MET: variants seen among roughly 807,000 people sequenced by gnomAD.
MET encodes MET proto-oncogene, receptor tyrosine kinase.
A neutral mutation model predicts 133.1 loss-of-function variants in MET; 48 were observed. The ratio of observed to expected loss-of-function variants is 0.36; its 90% CI spans 0.29 to 0.46. The LOEUF (loss-of-function observed/expected upper bound fraction) is 0.46. Ranked by LOEUF, MET falls within the 20% of genes least tolerant of loss-of-function variation. MET has a pLI of 1.00. For synonymous variants in MET, 628 were observed against 616.5 expected (o/e 1.02, Z -0.28); for missense variants, 1,442 against 1,695.9 (o/e 0.85, Z 2.63).
intron 5 of MET, among the ~76,000 whole-genome samples, chr7:116,755,006 A>AAGAAAGAAAGAAAGAAAGAAAG (rs1794113568): frequency 6.7e-6 from 1 of 148,786 alleles, no homozygotes; most frequent in Non-Finnish European, 1.5e-5. Context: ...GAAAGAAAGA[A>AAGAAAGAAAGAAAGAAAGAAAG]AGAAAGAAAG....
chr7:116,714,897 G>A (rs1259377256), intron 2 of MET, among the ~76,000 whole-genome samples: 1 of 151,996 alleles, frequency 6.6e-6, no homozygotes. Context: ...ACAGATAACA[G>A]GTCCACAAAT....
At chr7:116,763,448 C>T (rs1286690548) in intron 11 of MET, 180 bp downstream of exon 11, 3 of 628,336 alleles carry the variant, frequency 4.8e-6, no homozygotes, top group Non-Finnish European at 8.4e-6. Flanking sequence ...CCGTGGACTG[C>T]ATTTTAATGA....
In MET at chr7:116,797,303, A is replaced by T; in HGVS notation, c.*1179A>T. 1 of 226,304 alleles carries T rather than the reference A, an allele frequency of 4.4e-6. No individual in the cohort carries two copies. The highest frequency in any genetic ancestry group is 5.7e-5 in the Admixed American group (1 of 17,546). 14.0% of individuals were successfully genotyped at this position (226,304 alleles called of 1,614,324 possible). On this transcript the variant is annotated 3_prime_UTR_variant, in exon 21 of 21. Coordinates refer to ENST00000397752, the MANE Select transcript of MET (RefSeq NM_000245.4). ...TTGGTTCCAATCACAGCTCATAGGT[A>T]GAGCAAAGAAAGGGTGGATGGATTG...
chr7:116,675,215 G>A (rs1562870260), intron 1 of MET, among the ~76,000 whole-genome samples: 1 of 152,142 alleles, frequency 6.6e-6, no homozygotes, highest in Non-Finnish European at 1.5e-5. Context: ...ACCAAAAATA[G>A]CTAGGACCTA....
intron 11 of MET, among the ~76,000 whole-genome samples, chr7:116,767,976 G>A (rs6466592): frequency 0.2 from 9,410 of 47,784 alleles, 394 homozygotes; most frequent in African/African-American, 0.4. Flanking sequence ...ATATATATAT[G>A]TGTGTGTGTG....
intron 2 of MET, among the ~76,000 whole-genome samples, chr7:116,720,036 G>T (rs1345932692): frequency 3.9e-5 from 6 of 152,098 alleles, no homozygotes; most frequent in Non-Finnish European, 7.4e-5. Context: ...GAAAGTCATT[G>T]GTAGCTTTAT....
intron 5 of MET, among the ~76,000 whole-genome samples, chr7:116,749,159 A>G (rs1793820645): frequency 6.6e-6 from 1 of 152,232 alleles, no homozygotes; most frequent in Non-Finnish European, 1.5e-5. Flanking sequence ...ACACAAAAAA[A>G]GAAAATTTCA....
At chr7:116,716,454 GAAAAGAAAGAAAGAGAA>G (rs1792214977) in intron 2 of MET, among the ~76,000 whole-genome samples, 1 of 121,830 alleles carries the variant, frequency 8.2e-6, no homozygotes, top group Non-Finnish European at 1.7e-5. Flanking sequence ...GAAAGAAAAA[GAAAAGAAAGAAAGAGAA>G]AGAAAGAAAG....
chr7:116,676,315 G>A (rs1289741596), intron 1 of MET, among the ~76,000 whole-genome samples: 3 of 152,196 alleles, frequency 2.0e-5, no homozygotes, highest in South Asian at 2.1e-4. Flanking sequence ...ATTAAGGATA[G>A]CAATTATGAA....
intron 2 of MET, among the ~76,000 whole-genome samples, chr7:116,713,170 C>T (rs900894305): frequency 1.4e-4 from 22 of 152,064 alleles, no homozygotes; most frequent in Admixed American, 2.6e-4. Context: ...CCGAGGTGGG[C>T]GGATCACGAG....
chr7:116,712,480 G>A (rs551506116), intron 2 of MET, among the ~76,000 whole-genome samples: 15 of 152,102 alleles, frequency 9.9e-5, no homozygotes, highest in Non-Finnish European at 5.9e-5. Flanking sequence ...TACATTTATC[G>A]GATGAGCAAA....
intron 1 of MET, among the ~76,000 whole-genome samples, chr7:116,685,742 T>C (rs1175062495): frequency 6.6e-6 from 1 of 152,054 alleles, no homozygotes; most frequent in Non-Finnish European, 1.5e-5. Context: ...CCTGGTCTCC[T>C]CATATCCTAC....
chr7:116,677,235 G>C (rs1796194727), intron 1 of MET, among the ~76,000 whole-genome samples: 1 of 152,088 alleles, frequency 6.6e-6, no homozygotes, highest in Non-Finnish European at 1.5e-5. Flanking sequence ...TGCAGCTTCT[G>C]TCTGCTATGC....
chr7:116,753,536 A>T (rs1382811393), intron 5 of MET, among the ~76,000 whole-genome samples: 1 of 152,208 alleles, frequency 6.6e-6, no homozygotes, highest in African/African-American at 2.4e-5. Flanking sequence ...TCCATTGATA[A>T]CATACCAGAA....
In MET at chr7:116,796,643, G is replaced by A. The variant is rs1414661984; in HGVS notation, c.*519G>A. Reference sequence around the variant, plus strand: ...GGTAAACATTCCCTTTTAAATGTTTGTTTGTTTTTTGAGACAGGATCTCAC... The same window carrying A: ...GGTAAACATTCCCTTTTAAATGTTTATTTGTTTTTTGAGACAGGATCTCAC... On this transcript the variant is annotated 3_prime_UTR_variant, in exon 21 of 21. Transcript: ENST00000397752. The A allele has an allele frequency of 1.9e-5, 5 of 267,396 alleles. No individual in the cohort carries two copies. The highest frequency in any genetic ancestry group is 1.1e-4 in the African/African-American group (5 of 45,700). 16.6% of individuals were successfully genotyped at this position (267,396 alleles called of 1,614,324 possible).
intron 2 of MET, among the ~76,000 whole-genome samples, chr7:116,728,395 C>T (rs940384331): frequency 1.3e-5 from 2 of 152,126 alleles, no homozygotes; most frequent in African/African-American, 4.8e-5. Context: ...AAGGAGAAGA[C>T]TTGAAGTGTG....
At chr7:116,736,329 T>A (rs1793209066) in intron 3 of MET, among the ~76,000 whole-genome samples, 1 of 150,640 alleles carries the variant, frequency 6.6e-6, no homozygotes, top group African/African-American at 2.4e-5. Context: ...TTTGAGATAA[T>A]GAAAGCATTC....
chr7:116,759,523 C>G lies in MET; in HGVS notation c.2364+33C>G, dbSNP rs766890763. 1.9e-6 allele frequency: 3 copies of G among 1,602,874 alleles called. No individual in the cohort carries two copies. The East Asian group carries it at 6.7e-5, about 36-fold the overall frequency. On this transcript the variant is annotated intron_variant, in intron 10 of 20. Coordinates refer to ENST00000397752, the MANE Select transcript of MET (RefSeq NM_000245.4). ...CTTTGAGCAATGGTTCTACTCAGAGCTCTGCATCTTTGCCTCTAACCATGT... is the reference window on the plus strand; with the variant it reads ...CTTTGAGCAATGGTTCTACTCAGAGGTCTGCATCTTTGCCTCTAACCATGT...
chr7:116,751,972 A>T (rs1793938760), intron 5 of MET, among the ~76,000 whole-genome samples: 1 of 152,076 alleles, frequency 6.6e-6, no homozygotes, highest in Non-Finnish European at 1.5e-5. Flanking sequence ...GAGGCAGGAG[A>T]ATGGCGTGAA....
Sources: allele counts gnomAD v4.1 joint callset (sites outside exome capture counted in the v4.1 genomes callset), GRCh38; gene constraint gnomAD v4.1.1; transcripts MANE v1.5; gene names NCBI Gene and HGNC (gene_info 2026-07-23, HGNC 2026-07-21).